Variants in PRTFDC1 observed in about 807,000 individuals in gnomAD.
PRTFDC1 encodes phosphoribosyltransferase domain-containing protein 1.
A neutral mutation model predicts 34.6 loss-of-function variants in PRTFDC1; 38 were observed. The observed-to-expected ratio is 1.10, with a 90% CI of 0.85 to 1.44. The LOEUF is 1.44. Among genes scored for constraint, PRTFDC1 ranks in the 40% most tolerant of loss-of-function variants. The pLI is 0.00. For synonymous variants in PRTFDC1, 93 were observed against 98.1 expected (o/e 0.95, Z 0.31); for missense variants, 270 against 283.0 (o/e 0.95, Z 0.33).
At chr10:24,896,196 G>A (rs1371548163) in intron 3 of PRTFDC1, among the ~76,000 whole-genome samples, 1 of 152,198 alleles carries the variant, frequency 6.6e-6, no homozygotes. Flanking sequence ...AGGAGAGGCA[G>A]CATTACTGCC....
At chr10:24,859,694 A>G (rs1166873845) in intron 4 of PRTFDC1, among the ~76,000 whole-genome samples, 1 of 152,172 alleles carries the variant, frequency 6.6e-6, no homozygotes, top group African/African-American at 2.4e-5. Flanking sequence ...TCTTTATGTC[A>G]GTGTGAGGAA....
intron 3 of PRTFDC1, among the ~76,000 whole-genome samples, chr10:24,923,531 C>T (rs1043150654): frequency 1.3e-5 from 2 of 152,174 alleles, no homozygotes; most frequent in African/African-American, 4.8e-5. Context: ...AGTGGACCTC[C>T]AGCAAACTAA....
intron 3 of PRTFDC1, among the ~76,000 whole-genome samples, chr10:24,896,929 A>G (rs1848375745): frequency 6.6e-6 from 1 of 152,216 alleles, no homozygotes; most frequent in South Asian, 2.1e-4. Context: ...TTAAAAATTA[A>G]TCAGGTGTGG....
At chr10:24,950,146 T>G (rs1849317519) in intron 1 of PRTFDC1, among the ~76,000 whole-genome samples, 1 of 152,182 alleles carries the variant, frequency 6.6e-6, no homozygotes, top group Non-Finnish European at 1.5e-5. Flanking sequence ...CAGTGTTCTC[T>G]CACTTGTTTT....
chr10:24,948,866 C>T (rs984620344), intron 1 of PRTFDC1, among the ~76,000 whole-genome samples: 1 of 152,162 alleles, frequency 6.6e-6, no homozygotes, highest in African/African-American at 2.4e-5. Context: ...CCAGACCAGT[C>T]CTACAGATGG....
chr10:24,880,113 A>G (rs1848040397), intron 3 of PRTFDC1, among the ~76,000 whole-genome samples: 1 of 152,192 alleles, frequency 6.6e-6, no homozygotes, highest in Non-Finnish European at 1.5e-5. Context: ...CAGGGTTCCT[A>G]CTTCATAGGA....
chr10:24,875,416 C>G (rs1847946006), intron 3 of PRTFDC1, among the ~76,000 whole-genome samples: 2 of 152,172 alleles, frequency 1.3e-5, no homozygotes, highest in Admixed American at 1.3e-4. Flanking sequence ...CCCTGCTGCC[C>G]CCAGCCTCTG....
chr10:24,937,214 C>A lies in PRTFDC1; in HGVS notation c.309G>T (p.Lys103Asn), dbSNP rs773488270. The change falls in exon 3 of 9, where the codon AAG becomes AAT. Residue 103 changes from lysine (K) to asparagine (N), a missense_variant. By Grantham distance (94) the Lys-to-Asn change is moderately conservative. Transcript: ENST00000320152. ...AACTTTTTAGTCTGATGAAATCAAC[C>A]TTCATTGAGACAAATCGATCTGAAT... ...SRNSDRFVSM[K>N]VDFIRLKSYR... The A allele has an allele frequency of 6.2e-7, 1 of 1,613,264 alleles. No homozygotes were observed. The highest frequency in any genetic ancestry group is 1.1e-5 in the South Asian group (1 of 90,872).
intron 3 of PRTFDC1, among the ~76,000 whole-genome samples, chr10:24,933,894 T>A (rs924786366): frequency 6.6e-6 from 1 of 152,050 alleles, no homozygotes; most frequent in Non-Finnish European, 1.5e-5. Context: ...GGTTTCACCA[T>A]GTTGACCAAG....
chr10:24,867,338 G>T (rs1309714020), intron 4 of PRTFDC1, among the ~76,000 whole-genome samples: 1 of 152,034 alleles, frequency 6.6e-6, no homozygotes, highest in Non-Finnish European at 1.5e-5. Flanking sequence ...TAGTTCAAGT[G>T]CTCCTGCAGG....
chr10:24,904,602 T>C lies in PRTFDC1; in HGVS notation c.340-32539A>G, dbSNP rs111819893. On this transcript the variant is annotated intron_variant, in intron 3 of 8. Coordinates refer to ENST00000320152, the MANE Select transcript of PRTFDC1 (RefSeq NM_020200.7). ...CTTCAATGCCACCTCTTGGATCACC[T>C]GGCTCCCTGACTTAAGGTTCCAGAG... Among the ~76,000 whole-genome samples, 925 of 152,288 alleles carry C rather than the reference T, an allele frequency of 6.1e-3. 11 individuals are homozygous for C. Among genetic ancestry groups the C allele is most frequent in the African/African-American group, 0.021 (891 of 41,566 alleles).
intron 3 of PRTFDC1, among the ~76,000 whole-genome samples, chr10:24,887,302 T>A (rs1486129906): frequency 6.6e-6 from 1 of 152,122 alleles, no homozygotes; most frequent in Non-Finnish European, 1.5e-5. Flanking sequence ...TTTGGCCATG[T>A]CCCCACTCAA....
intron 8 of PRTFDC1, among the ~76,000 whole-genome samples, 158 bp downstream of exon 8, chr10:24,851,230 T>C (rs1403219709): frequency 6.6e-6 from 1 of 152,152 alleles, no homozygotes; most frequent in Non-Finnish European, 1.5e-5. Flanking sequence ...AGAATAGTAG[T>C]GGGAGTTAAT....
At position 24,928,922 on chromosome 10, in the gene PRTFDC1, C is replaced by T. The variant is rs557323104; in HGVS notation, c.339+8262G>A. Among the ~76,000 whole-genome samples, 4 of 151,550 alleles carry T rather than the reference C, an allele frequency of 2.6e-5. No homozygotes were observed. In the South Asian group the frequency reaches 8.4e-4, roughly 32 times the overall value. ...GGGCGTGGTGGCGGGCGCCTGTAGT[C>T]CCAGCTATTCGGGAGGCTGAGGCAG... On this transcript the variant is annotated intron_variant, in intron 3 of 8. Coordinates refer to ENST00000320152, the MANE Select transcript of PRTFDC1 (RefSeq NM_020200.7).
intron 3 of PRTFDC1, among the ~76,000 whole-genome samples, chr10:24,889,458 A>T (rs1361146341): frequency 6.6e-6 from 1 of 152,224 alleles, no homozygotes; most frequent in Non-Finnish European, 1.5e-5. Flanking sequence ...TTACATAAGG[A>T]GCCAACAAAT....
rs199794379 is a variant in PRTFDC1 at position 24,855,318 on chromosome 10, A to G, written c.553T>C (p.Tyr185His). ...AAACAAAAAACTGAAAAACACTTAC[A>G]GTCAGGTCTAAAGCCGTCACTTCTG... ...TSRSDGFRPD[Y>H]AGFEIPNLFV... The change falls in exon 7 of 9, where the codon TAT becomes CAT. Residue 185 changes from tyrosine (Y) to histidine (H), a missense_variant and splice_region_variant. Physicochemically the swap from Tyr to His is moderately conservative, Grantham distance 83 (BLOSUM62 2). Transcript: ENST00000320152. The G allele has an allele frequency of 1.5e-4, 241 of 1,613,386 alleles. 2 individuals are homozygous for G. The East Asian group carries it at 4.9e-3, about 33-fold the overall frequency.
At chr10:24,867,130 A>G (rs762523651) in intron 4 of PRTFDC1, among the ~76,000 whole-genome samples, 7 of 152,186 alleles carry the variant, frequency 4.6e-5, no homozygotes, top group African/African-American at 7.2e-5. Context: ...AGTATTATAC[A>G]GTTATGGGTT....
intron 1 of PRTFDC1, among the ~76,000 whole-genome samples, chr10:24,943,005 G>A (rs1588626594): frequency 6.6e-6 from 1 of 151,134 alleles, no homozygotes; most frequent in Non-Finnish European, 1.5e-5. Flanking sequence ...AGCATTATTT[G>A]TGAGGGCATA....
chr10:24,913,449 C>T (rs1251257470), intron 3 of PRTFDC1, among the ~76,000 whole-genome samples: 1 of 152,196 alleles, frequency 6.6e-6, no homozygotes, highest in Admixed American at 6.6e-5. Flanking sequence ...ATGCTTCTTA[C>T]TGTAATTCCT....
Sources: gnomAD v4.1 joint callset for allele counts (sites outside exome capture counted in the v4.1 genomes callset) on GRCh38, gnomAD v4.1.1 for gene constraint, MANE v1.5 for transcripts, NCBI Gene and HGNC (gene_info 2026-07-23, HGNC 2026-07-21) for gene names.